PTPRD: variants seen among roughly 807,000 people sequenced by gnomAD.
PTPRD encodes protein tyrosine phosphatase receptor type D, also known as receptor-type tyrosine-protein phosphatase delta.
A neutral mutation model predicts 214.5 loss-of-function variants in PTPRD; 34 were observed. The observed-to-expected ratio is 0.16, with a 90% CI of 0.12 to 0.21. PTPRD has a LOEUF of 0.21. Among genes scored for constraint, PTPRD ranks in the 10% least tolerant of loss-of-function variants. The probability of loss-of-function intolerance (pLI) is 1.00; values close to 1 mark genes in which losing one functional copy is unlikely to be tolerated. For missense variants in PTPRD, 2,545 were observed against 2,398.7 expected, an observed-to-expected ratio of 1.06 and a Z score of -1.27; for synonymous variants, 1,128 against 845.7, an observed-to-expected ratio of 1.33 and a Z score of -5.79.
At chr9:8,429,286 C>T (rs891700925) in intron 35 of PTPRD, among the ~76,000 whole-genome samples, 1 of 152,052 alleles carries the variant, frequency 6.6e-6, no homozygotes, top group Non-Finnish European at 1.5e-5. Context: ...GAATTTGTGA[C>T]CTGGTTTTAC....
intron 7 of PTPRD, among the ~76,000 whole-genome samples, chr9:9,656,128 T>C (rs1016145035): frequency 6.6e-6 from 1 of 152,222 alleles, no homozygotes; most frequent in South Asian, 2.1e-4. Context: ...CATTAAATTA[T>C]GGTAAGGATG....
intron 11 of PTPRD, among the ~76,000 whole-genome samples, chr9:8,874,852 T>A (rs752965779): frequency 6.6e-6 from 1 of 152,214 alleles, no homozygotes; most frequent in Non-Finnish European, 1.5e-5. Flanking sequence ...TTGATAAATG[T>A]GTGAGACAAT....
At chr9:9,926,158 C>G (rs2084231505) in intron 5 of PTPRD, among the ~76,000 whole-genome samples, 1 of 152,064 alleles carries the variant, frequency 6.6e-6, no homozygotes, top group South Asian at 2.1e-4. Context: ...CAGGCTTGTA[C>G]TTCTAAATTC....
chr9:9,752,894 C>G (rs2098535001), intron 6 of PTPRD, among the ~76,000 whole-genome samples: 2 of 152,014 alleles, frequency 1.3e-5, no homozygotes, highest in African/African-American at 4.8e-5. Flanking sequence ...ATAAAACACA[C>G]AGCATACTTT....
At chr9:8,345,866 C>A (rs146152924) in intron 39 of PTPRD, among the ~76,000 whole-genome samples, 216 of 152,118 alleles carry the variant, frequency 1.4e-3, no homozygotes, top group African/African-American at 5.1e-3. Flanking sequence ...TCTCTGGATT[C>A]TTCCATCTGT....
chr9:9,090,598 G>A (rs985200713), intron 10 of PTPRD, among the ~76,000 whole-genome samples: 1 of 152,102 alleles, frequency 6.6e-6, no homozygotes. Context: ...ATTTTTATAA[G>A]CCTATTTTTG....
intron 14 of PTPRD, among the ~76,000 whole-genome samples, chr9:8,584,954 C>A (rs2093514377): frequency 6.6e-6 from 1 of 152,158 alleles, no homozygotes; most frequent in African/African-American, 2.4e-5. Context: ...CATGAGACCT[C>A]ATTCACTATC....
At chr9:9,150,277 G>T (rs1329103912) in intron 10 of PTPRD, among the ~76,000 whole-genome samples, 2 of 151,910 alleles carry the variant, frequency 1.3e-5, no homozygotes, top group Non-Finnish European at 2.9e-5. Context: ...TCTTCCAAAA[G>T]TCTCAATATA....
chr9:8,778,461 C>T (rs1383953837), intron 11 of PTPRD, among the ~76,000 whole-genome samples: 1 of 152,126 alleles, frequency 6.6e-6, no homozygotes, highest in African/African-American at 2.4e-5. Context: ...ACAGAGCGAC[C>T]GTGTCTGGAC....
chr9:10,155,625 T>C (rs372520357), intron 3 of PTPRD, among the ~76,000 whole-genome samples: 133 of 152,294 alleles, frequency 8.7e-4, no homozygotes, highest in African/African-American at 3.0e-3. Flanking sequence ...GTTTCTTCAA[T>C]ACTACATGTT....
chr9:9,183,260 G>A (rs2099929313), intron 10 of PTPRD, 44 bp downstream of exon 10: 1 of 151,908 alleles, frequency 6.6e-6, no homozygotes, highest in African/African-American at 2.4e-5. Flanking sequence ...TTAAGTATTA[G>A]GACCCAGAGA....
intron 11 of PTPRD, among the ~76,000 whole-genome samples, chr9:8,910,037 T>C (rs538612541): frequency 6.6e-6 from 1 of 151,458 alleles, no homozygotes; most frequent in Non-Finnish European, 1.5e-5. Context: ...TTATTTATTA[T>C]TTATTTATTT....
intron 10 of PTPRD, among the ~76,000 whole-genome samples, chr9:9,062,001 C>A (rs1184766390): frequency 5.3e-5 from 8 of 152,180 alleles, no homozygotes; most frequent in African/African-American, 1.7e-4. Flanking sequence ...GAACATGAAA[C>A]CTTAATAAAC....
chr9:10,515,645 A>C (rs2133975949), intron 2 of PTPRD, among the ~76,000 whole-genome samples: 1 of 152,144 alleles, frequency 6.6e-6, no homozygotes, highest in East Asian at 1.9e-4. Context: ...AGTACAATAC[A>C]GTCTTGTTAA....
chr9:10,016,524 C>A (rs1018356849), intron 4 of PTPRD, among the ~76,000 whole-genome samples: 13 of 152,176 alleles, frequency 8.5e-5, no homozygotes, highest in African/African-American at 2.9e-4. Flanking sequence ...AGAATAGTCT[C>A]AAAGCATGTC....
rs1822671861 is a variant in PTPRD at position 8,317,325 on chromosome 9, A to AGTT, written c.*546_*548dup. On this transcript the variant is annotated 3_prime_UTR_variant, in exon 46 of 46. Coordinates refer to ENST00000381196, the MANE Select transcript of PTPRD (RefSeq NM_002839.4). The stretch of plus-strand genomic sequence containing the variant: ...CATTTTGTTAAAAAAAAGTTTACAC[A>AGTT]GTTAGAAATGAAGCACAGGTCAGCA... 1 of 232,324 alleles carries AGTT rather than the reference A, an allele frequency of 4.3e-6. No homozygotes were observed. Among genetic ancestry groups the AGTT allele is most frequent in the Non-Finnish European group, 8.5e-6 (1 of 117,256 alleles). The allele number at this position is 232,324 out of a possible 1,614,324, so 14.4% of individuals were successfully genotyped here.
chr9:10,140,935 C>A (rs1331325985), intron 3 of PTPRD, among the ~76,000 whole-genome samples: 1 of 151,988 alleles, frequency 6.6e-6, no homozygotes, highest in Admixed American at 6.6e-5. Context: ...GGATGCAAGG[C>A]TGGTTCATTA....
intron 8 of PTPRD, among the ~76,000 whole-genome samples, chr9:9,568,188 GTTAT>G (rs1429239006): frequency 6.6e-6 from 1 of 151,702 alleles, no homozygotes; most frequent in Non-Finnish European, 1.5e-5. Flanking sequence ...TTAGTTTCCT[GTTAT>G]TTGTGGCTCA....
At chr9:9,052,510 A>G (rs1226819056) in intron 10 of PTPRD, among the ~76,000 whole-genome samples, 3 of 152,178 alleles carry the variant, frequency 2.0e-5, no homozygotes, top group Non-Finnish European at 1.5e-5. Context: ...GAGTAAAACT[A>G]TAGGGTCATA....
Sources: gnomAD v4.1 joint callset for allele counts (sites outside exome capture counted in the v4.1 genomes callset) on GRCh38, gnomAD v4.1.1 for gene constraint, MANE v1.5 for transcripts, NCBI Gene and HGNC (gene_info 2026-07-23, HGNC 2026-07-21) for gene names.